PLXDC2: variants seen among roughly 807,000 people sequenced by gnomAD.
PLXDC2 encodes plexin domain containing 2.
Under a neutral mutation model 68.9 loss-of-function variants are expected in PLXDC2, and 40 were observed. That is an observed-to-expected ratio of 0.58 (90% CI 0.45 to 0.76). The LOEUF (loss-of-function observed/expected upper bound fraction) is 0.76, where lower values mean the gene tolerates loss of function less well. Ranked by LOEUF, PLXDC2 falls within the 30% of genes least tolerant of loss-of-function variation. The pLI is 0.00. For synonymous variants in PLXDC2, 243 were observed against 234.2 expected (o/e 1.04, Z -0.34); for missense variants, 644 against 661.9 (o/e 0.97, Z 0.30).
At chr10:20,053,512 A>G (rs140283780) in intron 3 of PLXDC2, among the ~76,000 whole-genome samples, 183 of 152,256 alleles carry the variant, frequency 1.2e-3, no homozygotes, top group Middle Eastern at 3.4e-3. Flanking sequence ...GTTTCTGACT[A>G]TAAACCTAGA....
At chr10:20,089,126 A>T (rs1589623831) in intron 4 of PLXDC2, among the ~76,000 whole-genome samples, 2 of 151,774 alleles carry the variant, frequency 1.3e-5, no homozygotes, top group African/African-American at 4.8e-5. Context: ...ACATAAGTAA[A>T]ATTTAAAGGT....
At chr10:20,004,179 G>A (rs1018895660) in intron 2 of PLXDC2, among the ~76,000 whole-genome samples, 1 of 152,322 alleles carries the variant, frequency 6.6e-6, no homozygotes, top group East Asian at 1.9e-4. Flanking sequence ...ATCTTCAAAA[G>A]ATCTGAAGTA....
intron 1 of PLXDC2, among the ~76,000 whole-genome samples, chr10:19,881,139 G>T (rs571748095): frequency 1.1e-4 from 16 of 151,236 alleles, no homozygotes; most frequent in South Asian, 2.1e-4. Context: ...TTTTTGAGAC[G>T]GAATCTTGCT....
chr10:20,137,903 T>G (rs1833954587), intron 4 of PLXDC2, among the ~76,000 whole-genome samples: 1 of 152,128 alleles, frequency 6.6e-6, no homozygotes, highest in Non-Finnish European at 1.5e-5. Flanking sequence ...TGATTGAGTG[T>G]GGGTGTATGT....
At chr10:19,966,587 A>G (rs971129221) in intron 1 of PLXDC2, among the ~76,000 whole-genome samples, 1 of 151,910 alleles carries the variant, frequency 6.6e-6, no homozygotes, top group African/African-American at 2.4e-5. Context: ...AAAGGAGCTT[A>G]TTTTATTAAA....
Position 20,169,480 on chromosome 10 carries a change from CT to C in PLXDC2, c.883+4915del, listed in dbSNP as rs79407819. Among the ~76,000 whole-genome samples, 169 of 152,270 alleles carry C rather than the reference CT, an allele frequency of 1.1e-3. 5 individuals carry two copies. The East Asian group carries it at 0.03, about 27-fold the overall frequency. ...TTAAGTAATTCTTTCTCAGCCTCAGCTTATGTCCTTCCAAATCCTTACACAA... is the reference window on the plus strand; with the variant it reads ...TTAAGTAATTCTTTCTCAGCCTCAGCTATGTCCTTCCAAATCCTTACACAA... On this transcript the variant is annotated intron_variant, in intron 7 of 13. Coordinates refer to ENST00000377252, the MANE Select transcript of PLXDC2 (RefSeq NM_032812.9).
chr10:20,127,526 G>A (rs781173062), intron 4 of PLXDC2, among the ~76,000 whole-genome samples: 1 of 152,036 alleles, frequency 6.6e-6, no homozygotes, highest in African/African-American at 2.4e-5. Context: ...TTAAAATAAG[G>A]CTTCATTTAC....
chr10:20,032,191 A>T (rs1589596431), intron 2 of PLXDC2, among the ~76,000 whole-genome samples: 1 of 152,198 alleles, frequency 6.6e-6, no homozygotes, highest in African/African-American at 2.4e-5. Context: ...ACAATGTTTT[A>T]AAGGAACTTA....
At chr10:20,018,106 C>T (rs1398228879) in intron 2 of PLXDC2, among the ~76,000 whole-genome samples, 1 of 152,130 alleles carries the variant, frequency 6.6e-6, no homozygotes, top group African/African-American at 2.4e-5. Flanking sequence ...ATATGTAGCC[C>T]AACACAGTGA....
chr10:20,121,907 A>T (rs1281935739), intron 4 of PLXDC2, among the ~76,000 whole-genome samples: 1 of 152,150 alleles, frequency 6.6e-6, no homozygotes, highest in African/African-American at 2.4e-5. Context: ...GGGATGGGAT[A>T]TTGGCATCAA....
intron 9 of PLXDC2, among the ~76,000 whole-genome samples, chr10:20,195,069 A>C (rs1256585243): frequency 1.3e-5 from 2 of 152,044 alleles, no homozygotes; most frequent in Admixed American, 1.3e-4. Context: ...TGAAGTGAAC[A>C]AATGATTTCA....
chr10:20,120,422 G>A (rs1192561757), intron 4 of PLXDC2, among the ~76,000 whole-genome samples: 1 of 152,188 alleles, frequency 6.6e-6, no homozygotes, highest in Non-Finnish European at 1.5e-5. Context: ...AGGACCATAA[G>A]GGATATAAAG....
intron 3 of PLXDC2, among the ~76,000 whole-genome samples, chr10:20,063,681 G>C (rs766413859): frequency 2.0e-5 from 3 of 152,160 alleles, no homozygotes; most frequent in Non-Finnish European, 2.9e-5. Flanking sequence ...AAGAGGTGTA[G>C]GCACACTCAG....
chr10:20,158,556 G>A (rs527818595), intron 6 of PLXDC2, among the ~76,000 whole-genome samples: 3 of 148,098 alleles, frequency 2.0e-5, no homozygotes, highest in South Asian at 2.1e-4. Context: ...CAAGCTACTC[G>A]GGAGGCTAAG....
At chr10:20,275,601 C>T (rs1020251306) in intron 13 of PLXDC2, among the ~76,000 whole-genome samples, 3 of 152,110 alleles carry the variant, frequency 2.0e-5, no homozygotes, top group Non-Finnish European at 4.4e-5. Flanking sequence ...CAAAAAGAGT[C>T]CACGGCTTAA....
intron 1 of PLXDC2, among the ~76,000 whole-genome samples, chr10:19,884,074 T>G (rs2131353354): frequency 6.6e-6 from 1 of 150,522 alleles, no homozygotes; most frequent in Admixed American, 6.6e-5. Context: ...GTATTTTTTT[T>G]TTTGTAGAGA....
rs1836097886 is a variant in PLXDC2, at chr10:20,282,749, A to G, written c.*2930A>G. 6.6e-6 allele frequency: 1 copy of G among 152,180 alleles called. No homozygotes were observed. The highest frequency in any genetic ancestry group is 2.4e-5 in the African/African-American group (1 of 41,446). The allele number at this position is 152,180 out of a possible 1,614,324, so 9.4% of individuals were successfully genotyped here. A position where few individuals can be genotyped will look rare whatever the true frequency, so the allele number is the denominator to read the frequency against. On this transcript the variant is annotated 3_prime_UTR_variant, in exon 14 of 14. Coordinates refer to ENST00000377252, the MANE Select transcript of PLXDC2 (RefSeq NM_032812.9). ...TTAAGCCCAAGAGATGGCACTGACC[A>G]TAAATGGTGGCTTGTGTGTGAAGGG...
intron 1 of PLXDC2, among the ~76,000 whole-genome samples, chr10:19,835,952 G>A (rs1275819840): frequency 6.6e-6 from 1 of 152,028 alleles, no homozygotes; most frequent in Non-Finnish European, 1.5e-5. Context: ...TGGGAGGATC[G>A]CTTGAGCCCA....
At chr10:20,274,345 C>G (rs1835977272) in intron 13 of PLXDC2, among the ~76,000 whole-genome samples, 1 of 152,144 alleles carries the variant, frequency 6.6e-6, no homozygotes. Flanking sequence ...TGGAAAATCA[C>G]ACAAATTGTA....
Sources: allele counts gnomAD v4.1 joint callset (sites outside exome capture counted in the v4.1 genomes callset), GRCh38; gene constraint gnomAD v4.1.1; transcripts MANE v1.5; gene names NCBI Gene and HGNC (gene_info 2026-07-23, HGNC 2026-07-21).